The following HPSE2 variants were observed in gnomAD, a reference collection of about 807,000 sequenced individuals.
HPSE2 encodes heparanase 2 (inactive).
In HPSE2, 38 loss-of-function variants were observed where a neutral mutation model predicts 60.5. The ratio of observed to expected loss-of-function variants is 0.63; its 90% CI spans 0.48 to 0.82. HPSE2 has a LOEUF of 0.82. Ranked by LOEUF, HPSE2 falls within the 40% of genes least tolerant of loss-of-function variation. The pLI, the probability that HPSE2 is intolerant of heterozygous loss-of-function variation, is 0.00. For missense variants in HPSE2, 713 were observed against 740.4 expected, an observed-to-expected ratio of 0.96 and a Z score of 0.43; for synonymous variants, 295 against 293.2, an observed-to-expected ratio of 1.01 and a Z score of -0.06.
intron 5 of HPSE2, among the ~76,000 whole-genome samples, chr10:98,715,855 T>C (rs1948777923): frequency 1.3e-5 from 2 of 151,998 alleles, no homozygotes; most frequent in African/African-American, 4.8e-5. Flanking sequence ...AAGGCTGGGA[T>C]GGCTGTGGCA....
intron 2 of HPSE2, among the ~76,000 whole-genome samples, chr10:99,172,649 G>T (rs1471671109): frequency 6.6e-6 from 1 of 152,090 alleles, no homozygotes. Context: ...AGGCCAGGGT[G>T]GGGGGATCAC....
At chr10:98,867,385 A>G (rs749392701) in intron 3 of HPSE2, among the ~76,000 whole-genome samples, 7 of 152,198 alleles carry the variant, frequency 4.6e-5, no homozygotes, top group Non-Finnish European at 8.8e-5. Context: ...GGCAAAAAGC[A>G]TATGAAAAAG....
the HPSE2 span, among the ~76,000 whole-genome samples, chr10:99,258,905 A>G: frequency 6.6e-6 from 1 of 152,254 alleles, no homozygotes; most frequent in Non-Finnish European, 1.5e-5. Flanking sequence ...AAAACTATAG[A>G]GCTTTTTGAA....
At chr10:98,592,926 G>C (rs1159389366) in intron 9 of HPSE2, among the ~76,000 whole-genome samples, 3 of 152,158 alleles carry the variant, frequency 2.0e-5, no homozygotes, top group Non-Finnish European at 4.4e-5. Context: ...ACAGTATAGA[G>C]AGTGATTAAA....
chr10:99,248,759 T>C, the HPSE2 span, among the ~76,000 whole-genome samples: 1 of 152,152 alleles, frequency 6.6e-6, no homozygotes, highest in East Asian at 1.9e-4. Context: ...GAGGGAAGAA[T>C]GGTTTTGTGG....
chr10:98,650,408 A>T (rs895396881), intron 6 of HPSE2, among the ~76,000 whole-genome samples: 1 of 152,258 alleles, frequency 6.6e-6, no homozygotes, highest in African/African-American at 2.4e-5. Context: ...GGCATTCATT[A>T]CAACAAAACA....
intron 3 of HPSE2, among the ~76,000 whole-genome samples, chr10:99,053,380 T>C (rs1031134637): frequency 4.6e-5 from 7 of 152,162 alleles, no homozygotes; most frequent in African/African-American, 1.4e-4. Context: ...CAAAAAGTTA[T>C]AGCTAAAAAG....
chr10:98,832,470 C>T (rs928727885), intron 3 of HPSE2, among the ~76,000 whole-genome samples: 1 of 152,162 alleles, frequency 6.6e-6, no homozygotes, highest in Non-Finnish European at 1.5e-5. Context: ...TGAAAGCTGA[C>T]AAACAGCTTG....
At chr10:98,557,551 G>A (rs918056303) in intron 9 of HPSE2, among the ~76,000 whole-genome samples, 3 of 152,224 alleles carry the variant, frequency 2.0e-5, no homozygotes, top group African/African-American at 7.2e-5. Flanking sequence ...CTTTGTGATA[G>A]TGGAGTACGC....
At chr10:99,002,868 C>A (rs1956806960) in intron 3 of HPSE2, among the ~76,000 whole-genome samples, 1 of 151,962 alleles carries the variant, frequency 6.6e-6, no homozygotes, top group South Asian at 2.1e-4. Context: ...ATAGGTATCA[C>A]CTCACATACC....
intron 5 of HPSE2, among the ~76,000 whole-genome samples, chr10:98,721,141 A>T (rs558684416): frequency 6.6e-6 from 1 of 152,086 alleles, no homozygotes; most frequent in Admixed American, 6.6e-5. Context: ...TTTAAAAATG[A>T]TTGTCAGATT....
chr10:99,235,858 T>C, upstream of HPSE2: 1 of 1,492,468 alleles, frequency 6.7e-7, no homozygotes, highest in South Asian at 1.1e-5. Context: ...TGACTAATTG[T>C]CCTTATCTAA....
chr10:98,631,659 C>T (rs927677604), intron 7 of HPSE2, among the ~76,000 whole-genome samples: 2 of 152,206 alleles, frequency 1.3e-5, no homozygotes, highest in African/African-American at 4.8e-5. Flanking sequence ...GCTTCCAGGG[C>T]CATTCCTCCA....
chr10:99,059,559 C>T (rs1250133118), intron 3 of HPSE2, among the ~76,000 whole-genome samples: 6 of 152,026 alleles, frequency 3.9e-5, no homozygotes, highest in African/African-American at 1.4e-4. Context: ...AATACAGGTA[C>T]CAGTACCTTT....
At chr10:98,736,279 G>A (rs968500142) in intron 4 of HPSE2, among the ~76,000 whole-genome samples, 3 of 151,026 alleles carry the variant, frequency 2.0e-5, no homozygotes, top group South Asian at 4.2e-4. Context: ...TGCCATGATT[G>A]TGAGGCCACC....
At chr10:99,066,146 C>G (rs890541333) in intron 3 of HPSE2, among the ~76,000 whole-genome samples, 2 of 152,156 alleles carry the variant, frequency 1.3e-5, no homozygotes, top group African/African-American at 4.8e-5. Flanking sequence ...AAATACTCAA[C>G]CCCAATATCC....
chr10:99,228,949 C>A (rs1162821780), intron 2 of HPSE2, among the ~76,000 whole-genome samples: 1 of 151,938 alleles, frequency 6.6e-6, no homozygotes, highest in Non-Finnish European at 1.5e-5. Flanking sequence ...CTGAACTGGG[C>A]AGATCAGTTG....
intron 9 of HPSE2, among the ~76,000 whole-genome samples, chr10:98,563,765 A>G (rs918467937): frequency 5.3e-5 from 8 of 152,082 alleles, no homozygotes; most frequent in Admixed American, 5.2e-4. Flanking sequence ...CTGCACAAAC[A>G]TACACAACTA....
chr10:99,015,238 A>T (rs1564738557), intron 3 of HPSE2, among the ~76,000 whole-genome samples: 1 of 152,108 alleles, frequency 6.6e-6, no homozygotes, highest in Non-Finnish European at 1.5e-5. Flanking sequence ...AACTAGTTCA[A>T]CCATTGTGGA....
Sources: allele counts gnomAD v4.1 joint callset (sites outside exome capture counted in the v4.1 genomes callset), GRCh38; gene constraint gnomAD v4.1.1; transcripts MANE v1.5; gene names NCBI Gene and HGNC (gene_info 2026-07-23, HGNC 2026-07-21).